The following KANSL1 variants were observed in gnomAD, a reference collection of about 807,000 sequenced individuals.
The protein encoded by KANSL1 is KAT8 regulatory NSL complex subunit 1, also known as MLL1/MLL complex subunit KANSL1.
In KANSL1, 22 loss-of-function variants were observed where a neutral mutation model predicts 103.6. That is an observed-to-expected ratio of 0.21 (90% CI 0.15 to 0.30). The LOEUF is 0.30. Among genes scored for constraint, KANSL1 ranks in the 10% least tolerant of loss-of-function variants. The pLI, the probability that KANSL1 is intolerant of heterozygous loss-of-function variation, is 1.00. For missense variants in KANSL1, 1,337 were observed against 1,399.8 expected (o/e 0.96, Z 0.72); for synonymous variants, 600 against 527.6 (o/e 1.14, Z -1.88).
At chr17:46,071,851 T>G (rs1175859214) in intron 4 of KANSL1, among the ~76,000 whole-genome samples, 2 of 151,968 alleles carry the variant, frequency 1.3e-5, no homozygotes, top group African/African-American at 4.8e-5. Context: ...AAAGAAAGAG[T>G]AGAAAAGCTA....
intron 1 of KANSL1, among the ~76,000 whole-genome samples, chr17:46,207,940 GTCTCTACTAAAAAGACAAAAA>G (rs2048027602): frequency 6.6e-6 from 1 of 152,036 alleles, no homozygotes; most frequent in Non-Finnish European, 1.5e-5. Context: ...GTGAAACCCC[GTCTCTACTAAAAAGACAAAAA>G]TTAGCCAGGT....
chr17:46,181,774 T>C (rs1008047305), intron 1 of KANSL1, among the ~76,000 whole-genome samples: 3 of 152,176 alleles, frequency 2.0e-5, no homozygotes, highest in African/African-American at 7.2e-5. Flanking sequence ...AAGATGAAAC[T>C]TAACGTCAGG....
chr17:46,085,280 C>G (rs2079122940), intron 3 of KANSL1, among the ~76,000 whole-genome samples: 1 of 152,136 alleles, frequency 6.6e-6, no homozygotes, highest in Non-Finnish European at 1.5e-5. Context: ...TTTTATCAGT[C>G]CAAATTGCCG....
intron 6 of KANSL1, among the ~76,000 whole-genome samples, chr17:46,054,257 T>C (rs1055077029): frequency 1.3e-5 from 2 of 152,206 alleles, no homozygotes; most frequent in Non-Finnish European, 2.9e-5. Context: ...TTTCACCACG[T>C]TGGCCAGGCT....
chr17:46,113,290 A>C (rs560318561), intron 2 of KANSL1, among the ~76,000 whole-genome samples: 1 of 152,358 alleles, frequency 6.6e-6, no homozygotes, highest in East Asian at 1.9e-4. Flanking sequence ...CTTGCCTTTT[A>C]GCCCCATCAT....
intron 2 of KANSL1, among the ~76,000 whole-genome samples, chr17:46,106,153 G>A (rs911650559): frequency 1.3e-5 from 2 of 152,148 alleles, no homozygotes; most frequent in African/African-American, 4.8e-5. Flanking sequence ...AAAAGAGTAT[G>A]GTGTCTGGAG....
At chr17:46,170,346 T>C (rs1449930176) in intron 2 of KANSL1, 2 of 157,468 alleles carry the variant, frequency 1.3e-5, no homozygotes, top group Non-Finnish European at 2.8e-5. Context: ...TTTCTAATTG[T>C]CAGTCCTTAA....
chr17:46,221,111 T>G (rs2048521920), intron 1 of KANSL1: 1 of 152,070 alleles, frequency 6.6e-6, no homozygotes, highest in Admixed American at 6.6e-5. Context: ...GCATCTTGCT[T>G]TCATCACTTA....
chr17:46,102,153 T>C (rs370535936), intron 2 of KANSL1, among the ~76,000 whole-genome samples: 17 of 152,366 alleles, frequency 1.1e-4, no homozygotes, highest in South Asian at 4.1e-4. Flanking sequence ...AAAACTCGGA[T>C]ACATACTTCG....
intron 2 of KANSL1, chr17:46,170,606 GTTAT>G: frequency 4.0e-6 from 2 of 500,382 alleles, no homozygotes; most frequent in South Asian, 7.7e-5. Flanking sequence ...ATGTCTCCTA[GTTAT>G]TTTTCTTAGA....
At chr17:46,180,391 G>A (rs1449203309) in intron 1 of KANSL1, among the ~76,000 whole-genome samples, 4 of 152,126 alleles carry the variant, frequency 2.6e-5, no homozygotes, top group Non-Finnish European at 4.4e-5. Context: ...CCAGCTGCTC[G>A]GGAAGCTGTG....
At chr17:46,110,315 T>C (rs1270547084) in intron 2 of KANSL1, among the ~76,000 whole-genome samples, 4 of 152,252 alleles carry the variant, frequency 2.6e-5, no homozygotes, top group Admixed American at 6.5e-5. Context: ...ACAGAAATTA[T>C]AGGAATCACA....
At chr17:46,087,015 G>T (rs1334357154) in intron 3 of KANSL1, among the ~76,000 whole-genome samples, 1 of 152,160 alleles carries the variant, frequency 6.6e-6, no homozygotes, top group Admixed American at 6.5e-5. Flanking sequence ...AGATCTACCC[G>T]CCCTGGCCTC....
At chr17:46,209,091 G>A (rs2048076127) in intron 1 of KANSL1, among the ~76,000 whole-genome samples, 1 of 151,860 alleles carries the variant, frequency 6.6e-6, no homozygotes, top group Admixed American at 6.6e-5. Flanking sequence ...GCTGAGGCAG[G>A]AGAATTGCTT....
At chr17:46,149,007 T>G (rs2044909126) in intron 2 of KANSL1, among the ~76,000 whole-genome samples, 1 of 107,940 alleles carries the variant, frequency 9.3e-6, no homozygotes, top group African/African-American at 2.7e-5. Context: ...TTTTTTTCTT[T>G]TTTTTTTTTT....
At chr17:46,154,733 G>A (rs2045321443) in intron 2 of KANSL1, among the ~76,000 whole-genome samples, 1 of 152,240 alleles carries the variant, frequency 6.6e-6, no homozygotes, top group South Asian at 2.1e-4. Flanking sequence ...TTAGAGCTGG[G>A]ACAAAGAAAT....
intron 12 of KANSL1, 86 bp downstream of exon 12, chr17:46,033,317 C>A (rs967695790): frequency 6.8e-7 from 1 of 1,475,722 alleles, no homozygotes; most frequent in Non-Finnish European, 9.4e-7. Context: ...ACCCACAAGT[C>A]TTCAGGCCAT....
chr17:46,076,544 T>C (rs1381178929), intron 4 of KANSL1, among the ~76,000 whole-genome samples: 1 of 141,226 alleles, frequency 7.1e-6, no homozygotes, highest in African/African-American at 2.5e-5. Flanking sequence ...ATACTTAACA[T>C]TTCCATACAT....
At chr17:46,181,848 T>C (rs1230156586) in intron 1 of KANSL1, among the ~76,000 whole-genome samples, 2 of 152,128 alleles carry the variant, frequency 1.3e-5, no homozygotes, top group African/African-American at 4.8e-5. Flanking sequence ...TATCTTTGCC[T>C]ATGTTGCTAC....
Sources: gnomAD v4.1 joint callset for allele counts (sites outside exome capture counted in the v4.1 genomes callset) on GRCh38, gnomAD v4.1.1 for gene constraint, MANE v1.5 for transcripts, NCBI Gene and HGNC (gene_info 2026-07-23, HGNC 2026-07-21) for gene names.